Variants in PALS1 observed in about 807,000 individuals in gnomAD.
The protein encoded by PALS1 is protein PALS1.
In PALS1, 31 loss-of-function variants were observed where a neutral mutation model predicts 78.9. That is an observed-to-expected ratio of 0.39 (90% CI 0.30 to 0.53). The LOEUF is 0.53. Among genes scored for constraint, PALS1 ranks in the 20% least tolerant of loss-of-function variants. PALS1 has a pLI of 0.67. For synonymous variants in PALS1, 276 were observed against 270.9 expected, an observed-to-expected ratio of 1.02 and a Z score of -0.18; for missense variants, 704 against 826.5, an observed-to-expected ratio of 0.85 and a Z score of 1.82.
At chr14:67,291,916 A>G (rs1484700716) in intron 3 of PALS1, among the ~76,000 whole-genome samples, 1 of 152,230 alleles carries the variant, frequency 6.6e-6, no homozygotes, top group Non-Finnish European at 1.5e-5. Context: ...AATCTTATCT[A>G]AAAGTTCTAT....
At chr14:67,328,314 C>A (rs1438805058) in intron 14 of PALS1, among the ~76,000 whole-genome samples, 1 of 152,184 alleles carries the variant, frequency 6.6e-6, no homozygotes, top group Non-Finnish European at 1.5e-5. Context: ...CCTTTGCCCA[C>A]TTTTTGATGG....
chr14:67,295,436 G>A lies in PALS1; in HGVS notation c.576+2717G>A, dbSNP rs571099182. 3.3e-5 allele frequency among the ~76,000 whole-genome samples: 5 copies of A among 151,662 alleles called. No homozygotes were observed. The South Asian group carries it at 1.0e-3, about 32-fold the overall frequency. ...ACCCGGGAGGCAAAGGTTGCAGTGAGCTGAGATTGCACCACTGCATTCCAG... is the reference window on the plus strand; with the variant it reads ...ACCCGGGAGGCAAAGGTTGCAGTGAACTGAGATTGCACCACTGCATTCCAG... On this transcript the variant is annotated intron_variant, in intron 4 of 14. Coordinates refer to ENST00000261681, the MANE Select transcript of PALS1 (RefSeq NM_022474.4).
chr14:67,272,912 A>ACAGCCT (rs901521871), intron 2 of PALS1, among the ~76,000 whole-genome samples: 2 of 152,198 alleles, frequency 1.3e-5, no homozygotes, highest in Admixed American at 6.5e-5. Flanking sequence ...TAAGTGATCC[A>ACAGCCT]CAGCCTCAGC....
chr14:67,298,096 C>T (rs1032586192), intron 4 of PALS1, among the ~76,000 whole-genome samples: 9 of 151,864 alleles, frequency 5.9e-5, no homozygotes, highest in Non-Finnish European at 1.5e-5. Flanking sequence ...CTGGAAAAGA[C>T]GAAAGAATCA....
intron 3 of PALS1, among the ~76,000 whole-genome samples, chr14:67,280,842 TC>T (rs1472091517): frequency 7.5e-6 from 1 of 133,620 alleles, no homozygotes; most frequent in African/African-American, 3.2e-5. Flanking sequence ...CTTCCTTCCT[TC>T]CTTCCTTCCT....
At chr14:67,248,121 T>G (rs1455695184) in intron 1 of PALS1, among the ~76,000 whole-genome samples, 1 of 152,222 alleles carries the variant, frequency 6.6e-6, no homozygotes, top group African/African-American at 2.4e-5. Flanking sequence ...TGAATTACAC[T>G]GATTTTTCAA....
At chr14:67,246,649 GTTTTTTTTTTTTT>G (rs71129814) in intron 1 of PALS1, among the ~76,000 whole-genome samples, 3 of 112,208 alleles carry the variant, frequency 2.7e-5, no homozygotes, top group Non-Finnish European at 5.2e-5. Context: ...CCTACTATAG[GTTTTTTTTTTTTT>G]TTTTTTTGAG....
chr14:67,303,529 T>C lies in PALS1; in HGVS notation c.971T>C (p.Met324Thr). The C allele has an allele frequency of 1.9e-6, 3 of 1,612,712 alleles. No homozygotes were observed. The highest frequency in any genetic ancestry group is 1.7e-6 in the Non-Finnish European group (2 of 1,178,696). ...CTGATCTTTCTATTACAGTCTGATA[T>C]GCATGGTACTTTGACTTTTGTCCTG... is the stretch of plus-strand genomic sequence containing the variant. The part of the protein sequence containing the change: ...VNEVFDLLSD[M>T]HGTLTFVLIP... The change falls in exon 8 of 15, where the codon ATG becomes ACG. Residue 324 changes from methionine (M) to threonine (T), a missense_variant. Physicochemically the swap from Met to Thr is moderately conservative, Grantham distance 81. Coordinates refer to ENST00000261681, the MANE Select transcript of PALS1 (RefSeq NM_022474.4).
chr14:67,310,847 A>C (rs1482330518), intron 8 of PALS1, among the ~76,000 whole-genome samples: 1 of 152,120 alleles, frequency 6.6e-6, no homozygotes, highest in Non-Finnish European at 1.5e-5. Context: ...CTATCTATCT[A>C]TGTCTATCTT....
At chr14:67,294,336 G>A (rs1209770848) in intron 4 of PALS1, 1 of 152,122 alleles carries the variant, frequency 6.6e-6, no homozygotes, top group South Asian at 2.1e-4. Flanking sequence ...TCAACAAGGA[G>A]AGGAATGTTA....
In PALS1 at chr14:67,292,657, C is replaced by T. The variant is rs766407241; in HGVS notation, c.514C>T (p.His172Tyr). The change falls in exon 4 of 15, where the codon CAC becomes TAC. Residue 172 changes from histidine (H) to tyrosine (Y), a missense_variant. Physicochemically the swap from His to Tyr is moderately conservative, Grantham distance 83. Transcript: ENST00000261681. ...AFKIHNAITVHMNKASPPFPL... is the reference protein window; with the variant it reads ...AFKIHNAITVYMNKASPPFPL... ...TAAGATACACAATGCCATCACAGTA[C>T]ACATGAACAAGGCCAGTCCTCCATT... is the stretch of plus-strand genomic sequence containing the variant. The T allele has an allele frequency of 2.5e-6, 4 of 1,613,614 alleles. No individual in the cohort carries two copies. The African/African-American group carries it at 5.3e-5, about 22-fold the overall frequency.
intron 4 of PALS1, among the ~76,000 whole-genome samples, chr14:67,298,097 G>T (rs779401812): frequency 1.3e-5 from 2 of 152,076 alleles, no homozygotes; most frequent in African/African-American, 4.8e-5. Flanking sequence ...TGGAAAAGAC[G>T]AAAGAATCAG....
At chr14:67,284,168 CTG>C (rs2084642285) in intron 3 of PALS1, among the ~76,000 whole-genome samples, 1 of 152,054 alleles carries the variant, frequency 6.6e-6, no homozygotes, top group South Asian at 2.1e-4. Context: ...TCATCTAACT[CTG>C]TAGTCCATAA....
chr14:67,332,882 T>G lies in PALS1; in HGVS notation c.1954T>G (p.Tyr652Asp). The change falls in exon 15 of 15, where the codon TAT becomes GAT. Residue 652 changes from tyrosine (Y) to aspartate (D), a missense_variant. Coordinates refer to ENST00000261681, the MANE Select transcript of PALS1 (RefSeq NM_022474.4). ...TGTGAATTCCGATCTTGATAAAGCC[T>G]ATCAGGAATTGCTTAGGTTAATTAA... ...AIVNSDLDKA[Y>D]QELLRLINKL... The G allele has an allele frequency of 6.2e-7, 1 of 1,614,086 alleles. No homozygotes were observed. The highest frequency in any genetic ancestry group is 1.3e-5 in the African/African-American group (1 of 75,062).
At chr14:67,287,722 A>G (rs2084711864) in intron 3 of PALS1, among the ~76,000 whole-genome samples, 1 of 152,222 alleles carries the variant, frequency 6.6e-6, no homozygotes, top group African/African-American at 2.4e-5. Flanking sequence ...GAATTGGAAA[A>G]TAGGTTGCAA....
chr14:67,328,717 C>T (rs185508850), intron 14 of PALS1, among the ~76,000 whole-genome samples: 1 of 152,292 alleles, frequency 6.6e-6, no homozygotes, highest in East Asian at 1.9e-4. Context: ...TTTCCCAGCA[C>T]CATTTATTAA....
At chr14:67,310,046 G>C (rs2085064911) in intron 8 of PALS1, among the ~76,000 whole-genome samples, 2 of 149,262 alleles carry the variant, frequency 1.3e-5, no homozygotes, top group Admixed American at 1.3e-4. Context: ...ATTATTGATA[G>C]GATGGTGCTC....
chr14:67,254,058 C>G (rs1048265835), intron 1 of PALS1: 13 of 117,650 alleles, frequency 1.1e-4, no homozygotes, highest in African/African-American at 4.4e-4. Flanking sequence ...TTAGGATGCT[C>G]TTCTTCTACA....
chr14:67,297,214 C>T (rs1158468983), intron 4 of PALS1, among the ~76,000 whole-genome samples: 1 of 152,150 alleles, frequency 6.6e-6, no homozygotes, highest in East Asian at 1.9e-4. Flanking sequence ...CAGATGCCCA[C>T]CATTAGTATT....
Sources: allele counts gnomAD v4.1 joint callset (sites outside exome capture counted in the v4.1 genomes callset), GRCh38; gene constraint gnomAD v4.1.1; transcripts MANE v1.5; gene names NCBI Gene and HGNC (gene_info 2026-07-23, HGNC 2026-07-21).